CACNB2: variants seen among roughly 807,000 people sequenced by gnomAD.
The protein encoded by CACNB2 is voltage-dependent L-type calcium channel subunit beta-2.
In CACNB2, 42 loss-of-function variants were observed where a neutral mutation model predicts 73.3. The ratio of observed to expected loss-of-function variants is 0.57; its 90% CI spans 0.45 to 0.74. The LOEUF (loss-of-function observed/expected upper bound fraction) is 0.74. CACNB2 is among the 30% of genes least tolerant of loss of function. The pLI is 0.00. For missense variants in CACNB2, 940 were observed against 853.0 expected (o/e 1.10, Z -1.27); for synonymous variants, 348 against 310.3 (o/e 1.12, Z -1.28).
chr10:18,440,450 G>GC (rs1453823706), intron 3 of CACNB2, among the ~76,000 whole-genome samples: 1 of 152,142 alleles, frequency 6.6e-6, no homozygotes, highest in Non-Finnish European at 1.5e-5. Context: ...CGGGAGGATT[G>GC]CCAGAGCTCA....
At chr10:18,301,644 C>CTTT (rs377033277) in intron 2 of CACNB2, among the ~76,000 whole-genome samples, 8 of 143,692 alleles carry the variant, frequency 5.6e-5, no homozygotes, top group African/African-American at 1.5e-4. Flanking sequence ...GCCTTTCTCT[C>CTTT]TTTTTTTTTT....
intron 3 of CACNB2, among the ~76,000 whole-genome samples, chr10:18,459,985 G>A (rs1378895359): frequency 2.0e-5 from 3 of 152,234 alleles, no homozygotes; most frequent in East Asian, 3.9e-4. Flanking sequence ...GCAACAGAGC[G>A]AGACTCCATC....
intron 2 of CACNB2, among the ~76,000 whole-genome samples, chr10:18,244,657 A>T (rs1433585755): frequency 6.6e-6 from 1 of 152,232 alleles, no homozygotes; most frequent in African/African-American, 2.4e-5. Flanking sequence ...ATAGGGGAGT[A>T]TCCTTAGAGA....
intron 3 of CACNB2, among the ~76,000 whole-genome samples, chr10:18,472,545 A>G (rs34372664): frequency 0.13 from 19,744 of 151,834 alleles, 1,407 homozygotes; most frequent in Admixed American, 0.18. Flanking sequence ...CCCCCAGCCC[A>G]TTTTTCTACG....
At chr10:18,355,868 C>A (rs1197547095) in intron 2 of CACNB2, among the ~76,000 whole-genome samples, 3 of 152,072 alleles carry the variant, frequency 2.0e-5, no homozygotes, top group Non-Finnish European at 4.4e-5. Context: ...GAACTCCTGG[C>A]CTCATGATCC....
chr10:18,401,031 C>G, intron 2 of CACNB2: 1 of 1,614,096 alleles, frequency 6.2e-7, no homozygotes, highest in East Asian at 2.2e-5. Context: ...CTGTCTGGCT[C>G]ATGAAGGCCA....
At chr10:18,488,474 CAAAAAAAAAAAAA>C (rs59931967) in intron 3 of CACNB2, among the ~76,000 whole-genome samples, 3 of 67,966 alleles carry the variant, frequency 4.4e-5, no homozygotes, top group East Asian at 5.0e-4. Context: ...GACTCCATCT[CAAAAAAAAAAAAA>C]AAAAAAAAAA....
intron 2 of CACNB2, among the ~76,000 whole-genome samples, chr10:18,335,506 A>T (rs2040964561): frequency 6.6e-6 from 1 of 152,154 alleles, no homozygotes; most frequent in Non-Finnish European, 1.5e-5. Flanking sequence ...AGGCATGAGG[A>T]TTGCTTGAAC....
intron 2 of CACNB2, among the ~76,000 whole-genome samples, chr10:18,299,704 C>G (rs903870871): frequency 9.2e-5 from 14 of 151,988 alleles, no homozygotes; most frequent in African/African-American, 3.1e-4. Flanking sequence ...GAGTCAGACC[C>G]TGTCTCAAAA....
At chr10:18,422,287 A>G (rs1330414720) in intron 3 of CACNB2, among the ~76,000 whole-genome samples, 4 of 152,220 alleles carry the variant, frequency 2.6e-5, no homozygotes, top group Non-Finnish European at 5.9e-5. Context: ...GATCTATTCC[A>G]TTTAGATAGC....
intron 2 of CACNB2, among the ~76,000 whole-genome samples, chr10:18,214,049 A>G (rs1392783167): frequency 6.6e-6 from 1 of 152,126 alleles, no homozygotes; most frequent in Non-Finnish European, 1.5e-5. Context: ...AGTTTACTTC[A>G]CGTATCTGAA....
At chr10:18,262,805 A>C (rs1247389516) in intron 2 of CACNB2, among the ~76,000 whole-genome samples, 1 of 152,200 alleles carries the variant, frequency 6.6e-6, no homozygotes, top group African/African-American at 2.4e-5. Context: ...AAATTCTGAA[A>C]TAAGGCCTCC....
intron 2 of CACNB2, among the ~76,000 whole-genome samples, chr10:18,361,795 T>C (rs2042153451): frequency 6.6e-6 from 1 of 151,970 alleles, no homozygotes; most frequent in African/African-American, 2.4e-5. Context: ...GTATTTTTAG[T>C]AGAGATGGGG....
At chr10:18,218,719 C>A (rs1460703692) in intron 2 of CACNB2, among the ~76,000 whole-genome samples, 1 of 151,860 alleles carries the variant, frequency 6.6e-6, no homozygotes, top group East Asian at 1.9e-4. Context: ...AGTACAAAAA[C>A]TTAGCCAGGC....
chr10:18,164,121 G>A (rs1416757334), intron 2 of CACNB2, among the ~76,000 whole-genome samples: 5 of 152,122 alleles, frequency 3.3e-5, no homozygotes, highest in Non-Finnish European at 5.9e-5. Context: ...AAACTTTTAC[G>A]ACAGATAAAA....
intron 6 of CACNB2, among the ~76,000 whole-genome samples, chr10:18,512,694 T>A (rs1162637773): frequency 6.6e-6 from 1 of 152,178 alleles, no homozygotes; most frequent in Non-Finnish European, 1.5e-5. Context: ...AATAAGTGTG[T>A]TTATTCCTGT....
chr10:18,417,233 A>G (rs2045028133), intron 3 of CACNB2, among the ~76,000 whole-genome samples: 1 of 152,010 alleles, frequency 6.6e-6, no homozygotes, highest in Non-Finnish European at 1.5e-5. Context: ...GATAGAGTTT[A>G]CAAGCAAAAA....
intron 2 of CACNB2, among the ~76,000 whole-genome samples, chr10:18,283,839 T>G (rs932129409): frequency 1.3e-5 from 2 of 152,110 alleles, no homozygotes; most frequent in Non-Finnish European, 2.9e-5. Flanking sequence ...ATAAAAAGTG[T>G]TCTTCAAACA....
chr10:18,508,677 C>T (rs188156255), intron 6 of CACNB2, among the ~76,000 whole-genome samples: 1 of 152,316 alleles, frequency 6.6e-6, no homozygotes, highest in East Asian at 1.9e-4. Context: ...TAGAGTTACA[C>T]TTCACTAAAC....
Sources: gnomAD v4.1 joint callset for allele counts (sites outside exome capture counted in the v4.1 genomes callset) on GRCh38, gnomAD v4.1.1 for gene constraint, MANE v1.5 for transcripts, NCBI Gene and HGNC (gene_info 2026-07-23, HGNC 2026-07-21) for gene names.